ZNF423: variants seen among roughly 807,000 people sequenced by gnomAD.
The protein encoded by ZNF423 is Ebf-associated zinc finger protein.
ZNF423 carries 12 observed loss-of-function variants against 95.8 expected under a neutral mutation model. The observed-to-expected ratio is 0.13, with a 90% CI of 0.08 to 0.20. The LOEUF is 0.20. ZNF423 is among the 10% of genes least tolerant of loss of function. The probability of loss-of-function intolerance (pLI) is 1.00; values close to 1 mark genes in which losing one functional copy is unlikely to be tolerated. For synonymous variants in ZNF423, 749 were observed against 711.9 expected (o/e 1.05, Z -0.83); for missense variants, 1,316 against 1,737.1 (o/e 0.76, Z 4.31).
chr16:49,594,906 G>A (rs1438991606), intron 5 of ZNF423, among the ~76,000 whole-genome samples: 1 of 152,230 alleles, frequency 6.6e-6, no homozygotes, highest in East Asian at 1.9e-4. Flanking sequence ...GAGAGCAAGA[G>A]GGCGGAAGGA....
chr16:49,530,848 G>A (rs1968814629), intron 5 of ZNF423, among the ~76,000 whole-genome samples: 1 of 152,210 alleles, frequency 6.6e-6, no homozygotes, highest in South Asian at 2.1e-4. Context: ...GAGCGGGGCA[G>A]CAGCAGCCCT....
At chr16:49,781,680 G>A (rs1235204578) in intron 2 of ZNF423, among the ~76,000 whole-genome samples, 1 of 152,182 alleles carries the variant, frequency 6.6e-6, no homozygotes, top group East Asian at 1.9e-4. Context: ...AAAGGCCCGG[G>A]CTTCTGGACA....
intron 7 of ZNF423, among the ~76,000 whole-genome samples, chr16:49,506,214 T>A (rs1303471674): frequency 3.3e-5 from 5 of 152,172 alleles, no homozygotes; most frequent in Non-Finnish European, 7.3e-5. Flanking sequence ...AGGGTGATGA[T>A]GGTGAAAGAA....
intron 1 of ZNF423, among the ~76,000 whole-genome samples, chr16:49,839,761 G>T (rs977585497): frequency 6.6e-6 from 1 of 152,112 alleles, no homozygotes; most frequent in Non-Finnish European, 1.5e-5. Context: ...GCCCTCCCAG[G>T]GTGAAGAGAC....
chr16:49,753,470 A>T (rs2033668860), intron 2 of ZNF423, among the ~76,000 whole-genome samples: 1 of 149,026 alleles, frequency 6.7e-6, no homozygotes, highest in Non-Finnish European at 1.5e-5. Flanking sequence ...AGGCGTGGTG[A>T]TGTGCACCTG....
chr16:49,677,658 G>A (rs1319993431), intron 3 of ZNF423, among the ~76,000 whole-genome samples: 2 of 151,332 alleles, frequency 1.3e-5, no homozygotes, highest in East Asian at 3.9e-4. Flanking sequence ...GGAGGCTGAC[G>A]TGGGAGGATT....
At chr16:49,548,512 T>A (rs1969515598) in intron 5 of ZNF423, among the ~76,000 whole-genome samples, 1 of 150,994 alleles carries the variant, frequency 6.6e-6, no homozygotes, top group South Asian at 2.1e-4. Flanking sequence ...TATGTTGCCG[T>A]TAAAAAAAAA....
chr16:49,518,250 G>A lies in ZNF423; in HGVS notation c.3849+5374C>T, dbSNP rs111510831. The A allele has an allele frequency of 2.8e-3, 1,087 of 385,336 alleles. 3 individuals are homozygous for A. The highest frequency in any genetic ancestry group is 4.2e-3 in the Non-Finnish European group (841 of 198,822). The allele number at this position is 385,336 out of a possible 1,614,324, so 23.9% of individuals were successfully genotyped here. A position where few individuals can be genotyped will look rare whatever the true frequency, so the allele number is the denominator to read the frequency against. On this transcript the variant is annotated intron_variant, in intron 7 of 7. Transcript: ENST00000563137. ...CCCCCATTATTTTGAACCATTTCTT[G>A]CATGTGCAGACAAACATACATGACC...
At chr16:49,629,586 C>A (rs887285354) in intron 4 of ZNF423, among the ~76,000 whole-genome samples, 1 of 152,150 alleles carries the variant, frequency 6.6e-6, no homozygotes, top group Non-Finnish European at 1.5e-5. Flanking sequence ...CCCTCCACAT[C>A]CCTGAACTTA....
rs374761607 is a variant in ZNF423 at position 49,810,270 on chromosome 16, C to T, written c.41-20724G>A. On this transcript the variant is annotated intron_variant, in intron 1 of 7. Coordinates refer to ENST00000563137, the MANE Select transcript of ZNF423 (RefSeq NM_001379286.1). ...TGCCAGCCCCTTGCCCCCAGCCCTG[C>T]CACACACCCTTCTTACCTCCTGATG... Among the ~76,000 whole-genome samples, 472 of 152,238 alleles carry T rather than the reference C, an allele frequency of 3.1e-3. 1 individual carries two copies. The highest frequency in any genetic ancestry group is 0.011 in the African/African-American group (445 of 41,518).
chr16:49,822,173 ATTTT>A (rs34004656), intron 1 of ZNF423, among the ~76,000 whole-genome samples: 2 of 143,062 alleles, frequency 1.4e-5, no homozygotes, highest in Non-Finnish European at 3.0e-5. Flanking sequence ...CCCCGCAGGA[ATTTT>A]TTTTTTTTTT....
At chr16:49,677,557 G>A (rs947261285) in intron 3 of ZNF423, among the ~76,000 whole-genome samples, 6 of 152,120 alleles carry the variant, frequency 3.9e-5, no homozygotes, top group Non-Finnish European at 7.4e-5. Flanking sequence ...TTGGGAGGCA[G>A]GAGGATTGCT....
At chr16:49,597,050 A>C (rs1360235151) in intron 5 of ZNF423, among the ~76,000 whole-genome samples, 1 of 152,160 alleles carries the variant, frequency 6.6e-6, no homozygotes, top group African/African-American at 2.4e-5. Context: ...GCATCGAGAG[A>C]TCTCTCTGAA....
chr16:49,712,397 T>G lies in ZNF423; in HGVS notation c.301+18374A>C, dbSNP rs1394204835. On this transcript the variant is annotated intron_variant, in intron 3 of 7. Coordinates refer to ENST00000563137, the MANE Select transcript of ZNF423 (RefSeq NM_001379286.1). ...GAATGTCCAGAGGGGAAAGTGCCAT[T>G]GGAAAAAAAAGAAACAATAGAAAGA... 2.6e-5 allele frequency among the ~76,000 whole-genome samples: 4 copies of G among 152,092 alleles called. No individual in the cohort carries two copies. In the East Asian group the frequency reaches 7.7e-4, roughly 29 times the overall value.
intron 5 of ZNF423, among the ~76,000 whole-genome samples, chr16:49,526,431 G>T (rs767175252): frequency 6.6e-6 from 1 of 152,196 alleles, no homozygotes; most frequent in South Asian, 2.1e-4. Flanking sequence ...GACACAGAGT[G>T]CCTGAGCACC....
chr16:49,600,725 A>G (rs968350815), intron 5 of ZNF423, among the ~76,000 whole-genome samples: 2 of 152,276 alleles, frequency 1.3e-5, no homozygotes, highest in African/African-American at 4.8e-5. Flanking sequence ...CTCTGCCCAC[A>G]CTGCGCCATT....
rs1185284202 is a variant in ZNF423 at position 49,635,897 on chromosome 16, A to G, written c.3279T>C (p.Asn1093=). The G allele has an allele frequency of 3.2e-6, 5 of 1,581,838 alleles. No individual in the cohort carries two copies. The highest frequency in any genetic ancestry group is 1.8e-5 in the Admixed American group (1 of 56,452). ...CGGCGCAGAGGCCGTAGGGCAGCCC[A>G]TTGACGTCAAGCTTCACCAGGTCCT... ...SKQDLVKLDV[N]GLPYGLCAGC... Residue 1093 remains asparagine (N), a synonymous_variant, in exon 4 of 8, where the codon AAT becomes AAC. Coordinates refer to ENST00000563137, the MANE Select transcript of ZNF423 (RefSeq NM_001379286.1). This position sits in a 1 kb window ranked among gnomAD's most constrained non-coding sequence, Gnocchi z 4.8.
upstream of ZNF423, among the ~76,000 whole-genome samples, chr16:49,856,438 AAAAG>A (rs1260578202): frequency 3.4e-5 from 5 of 149,006 alleles, no homozygotes; most frequent in South Asian, 4.3e-4. Context: ...AAAAAAAAAA[AAAAG>A]AAGCCTTCGA....
In ZNF423 at chr16:49,855,511, T is replaced by TCCGCAG. The variant is rs2035353872; in HGVS notation, c.40+223_40+224insCTGCGG. Among the ~76,000 whole-genome samples, 1 of 143,842 alleles carries TCCGCAG rather than the reference T, an allele frequency of 7.0e-6. No individual in the cohort carries two copies. The highest frequency in any genetic ancestry group is 1.5e-5 in the Non-Finnish European group (1 of 65,836). 94.4% of individuals were successfully genotyped at this position (143,842 alleles called of 152,430 possible). ...GGGAGGGTGTCCGCGGCGTACCCCCTCCGCCGCCGCCGCCGCCGCCGCCGC... is the reference window on the plus strand; with the variant it reads ...GGGAGGGTGTCCGCGGCGTACCCCCTCCGCAGCCGCCGCCGCCGCCGCCGCCGCCGC... On this transcript the variant is annotated intron_variant, in intron 1 of 7. Transcript: ENST00000563137. This position sits in a 1 kb window ranked among gnomAD's most constrained non-coding sequence, Gnocchi z 4.7.
Sources: gnomAD v4.1 joint callset for allele counts (sites outside exome capture counted in the v4.1 genomes callset) on GRCh38, gnomAD v4.1.1 for gene constraint, Gnocchi (gnomAD v3.1) non-coding constraint, MANE v1.5 for transcripts, NCBI Gene and HGNC (gene_info 2026-07-23, HGNC 2026-07-21) for gene names.